CLYBL: variants seen among roughly 807,000 people sequenced by gnomAD.
CLYBL encodes citramalyl-CoA lyase, also known as citramalyl-CoA lyase, mitochondrial.
In CLYBL, 31 loss-of-function variants were observed where a neutral mutation model predicts 38.9. The observed-to-expected ratio is 0.80, with a 90% CI of 0.60 to 1.08. CLYBL has a LOEUF of 1.08. Ranked by LOEUF, CLYBL falls within the 50% of genes least tolerant of loss-of-function variation. The probability of loss-of-function intolerance (pLI) is 0.00; values close to 1 mark genes in which losing one functional copy is unlikely to be tolerated. For missense variants in CLYBL, 434 were observed against 411.6 expected (o/e 1.05, Z -0.47); for synonymous variants, 171 against 158.6 (o/e 1.08, Z -0.59).
At chr13:99,781,122 C>T (rs1244626721) in intron 2 of CLYBL, among the ~76,000 whole-genome samples, 1 of 149,980 alleles carries the variant, frequency 6.7e-6, no homozygotes, top group Non-Finnish European at 1.5e-5. Context: ...TCTTTCTTTC[C>T]TTTTAAAATA....
At chr13:99,871,758 T>C (rs141047796) in intron 7 of CLYBL, among the ~76,000 whole-genome samples, 1 of 152,298 alleles carries the variant, frequency 6.6e-6, no homozygotes, top group East Asian at 1.9e-4. Context: ...TTTATGCTAG[T>C]TGCAGCATTG....
At chr13:99,759,577 C>A (rs913492324) in intron 1 of CLYBL, among the ~76,000 whole-genome samples, 1 of 152,036 alleles carries the variant, frequency 6.6e-6, no homozygotes, top group African/African-American at 2.4e-5. Flanking sequence ...TGAGACCACC[C>A]CCACCCCCTC....
chr13:99,876,580 A>G (rs977319803), intron 7 of CLYBL, among the ~76,000 whole-genome samples: 4 of 151,994 alleles, frequency 2.6e-5, no homozygotes, highest in East Asian at 1.9e-4. Context: ...TATTTGCTCA[A>G]TTTTGATTTT....
intron 2 of CLYBL, among the ~76,000 whole-genome samples, chr13:99,854,793 G>A (rs536704774): frequency 4.6e-5 from 7 of 152,240 alleles, no homozygotes; most frequent in East Asian, 3.9e-4. Context: ...TCACCAGAGC[G>A]TGTCTCTTCC....
chr13:99,823,141 A>C (rs943405522), intron 2 of CLYBL, among the ~76,000 whole-genome samples: 1 of 152,176 alleles, frequency 6.6e-6, no homozygotes, highest in African/African-American at 2.4e-5. Context: ...GAATTTATTT[A>C]TTTCTTTAAA....
intron 1 of CLYBL, among the ~76,000 whole-genome samples, chr13:99,682,183 G>A (rs1254497704): frequency 4.0e-5 from 6 of 150,622 alleles, no homozygotes; most frequent in East Asian, 3.9e-4. Flanking sequence ...TCGCTCTGTC[G>A]CCCAGGCTGG....
chr13:99,709,191 A>T (rs899454523), intron 1 of CLYBL, among the ~76,000 whole-genome samples: 18 of 152,292 alleles, frequency 1.2e-4, no homozygotes, highest in African/African-American at 3.6e-4. Context: ...AGAGATAGAC[A>T]TGCATAGAGG....
intron 2 of CLYBL, among the ~76,000 whole-genome samples, chr13:99,808,269 A>G (rs781651553): frequency 5.3e-5 from 8 of 152,068 alleles, no homozygotes; most frequent in Non-Finnish European, 7.4e-5. Flanking sequence ...GCATTTTTGT[A>G]GAGATGGAGT....
intron 1 of CLYBL, among the ~76,000 whole-genome samples, chr13:99,691,759 C>T (rs761317430): frequency 3.3e-5 from 5 of 152,204 alleles, no homozygotes; most frequent in Admixed American, 2.0e-4. Flanking sequence ...AGTCACCTGG[C>T]AAGTCCCTTC....
rs34783138 is a variant in CLYBL, at chr13:99,662,580, C to CTT, written c.62+55831_62+55832dup. Among the ~76,000 whole-genome samples, 3 of 145,736 alleles carry CTT rather than the reference C, an allele frequency of 2.1e-5. No individual in the cohort carries two copies. In the Admixed American group the frequency reaches 2.1e-4, roughly 10 times the overall value. ...AGAAACAAATATTTTTAGAGGAACC[C>CTT]TTTTTTTTTATTAGTATTACTAGTA... On this transcript the variant is annotated intron_variant, in intron 1 of 8. Transcript: ENST00000339105.
intron 1 of CLYBL, among the ~76,000 whole-genome samples, chr13:99,674,957 C>T (rs564131171): frequency 6.6e-6 from 1 of 152,192 alleles, no homozygotes; most frequent in East Asian, 1.9e-4. Context: ...TGGCATGAGC[C>T]CAGGAGTTCG....
At chr13:99,715,332 A>T (rs1288918059) in intron 1 of CLYBL, among the ~76,000 whole-genome samples, 1 of 151,580 alleles carries the variant, frequency 6.6e-6, no homozygotes, top group Non-Finnish European at 1.5e-5. Flanking sequence ...TTCTCCAGGG[A>T]TTTACTTCCT....
chr13:99,892,618 ACT>A (rs1318525020), downstream of CLYBL: 2 of 152,068 alleles, frequency 1.3e-5, no homozygotes, highest in African/African-American at 4.8e-5. Context: ...GAAGTTTTAA[ACT>A]CTACACCAAC....
In CLYBL at chr13:99,692,539, G is replaced by A. The variant is rs577749102; in HGVS notation, c.63-80285G>A. On this transcript the variant is annotated intron_variant, in intron 1 of 8. Transcript: ENST00000339105. The stretch of plus-strand genomic sequence containing the variant: ...GATCTCCTGACCTTATGATCCACCC[G>A]CCTCACCCTCCCAAAGTGCTGGGAT... Among the ~76,000 whole-genome samples, 436 of 151,972 alleles carry A rather than the reference G, an allele frequency of 2.9e-3. 2 individuals carry two copies. The highest frequency in any genetic ancestry group is 9.8e-3 in the African/African-American group (405 of 41,448).
At chr13:99,713,560 G>C (rs1005599066) in intron 1 of CLYBL, among the ~76,000 whole-genome samples, 2 of 151,896 alleles carry the variant, frequency 1.3e-5, no homozygotes, top group Admixed American at 1.3e-4. Context: ...GGCTGATCTT[G>C]AACTCCTGGC....
rs56097059 is a variant in CLYBL, at chr13:99,612,386, C to CTTTTTTTTTTT, written c.62+5638_62+5648dup. Among the ~76,000 whole-genome samples the CTTTTTTTTTTT allele has an allele frequency of 1.2e-4, 14 of 112,366 alleles. 2 individuals carry two copies. Among genetic ancestry groups the CTTTTTTTTTTT allele is most frequent in the East Asian group, 5.5e-4 (2 of 3,618 alleles). The allele number at this position is 112,366 out of a possible 152,430, so 73.7% of individuals were successfully genotyped here. ...AGATAATTAATTTTAGACCTTTCTA[C>CTTTTTTTTTTT]TTTTTTTTTTTTTTTTTTTGAGACA... On this transcript the variant is annotated intron_variant, in intron 1 of 8. Coordinates refer to ENST00000339105, the MANE Select transcript of CLYBL (RefSeq NM_206808.5).
intron 1 of CLYBL, among the ~76,000 whole-genome samples, chr13:99,668,347 G>T (rs955505536): frequency 1.3e-5 from 2 of 151,992 alleles, no homozygotes; most frequent in African/African-American, 4.8e-5. Context: ...AGCACTGGGA[G>T]GCCAAGGCAG....
At chr13:99,855,377 T>A (rs148916468) in intron 2 of CLYBL, among the ~76,000 whole-genome samples, 2 of 152,254 alleles carry the variant, frequency 1.3e-5, no homozygotes, top group East Asian at 3.9e-4. Context: ...CTCCCAATAG[T>A]CGTAGCAGGT....
chr13:99,865,183 C>T lies in CLYBL; in HGVS notation c.634+272C>T. On this transcript the variant is annotated intron_variant, in intron 5 of 8. Transcript: ENST00000339105. This position sits in a 1 kb window ranked among gnomAD's most constrained non-coding sequence, Gnocchi z 4.7. ...AGCCTGTTGCAGCCCCAGGCATGCTCAGGAATATATGGCATCTCCTTTGCT... is the reference window on the plus strand; with the variant it reads ...AGCCTGTTGCAGCCCCAGGCATGCTTAGGAATATATGGCATCTCCTTTGCT... The T allele has an allele frequency of 2.3e-6, 1 of 431,296 alleles. No homozygotes were observed. The highest frequency in any genetic ancestry group is 4.4e-6 in the Non-Finnish European group (1 of 226,708). The allele number at this position is 431,296 out of a possible 1,614,324, so 26.7% of individuals were successfully genotyped here.
Sources: gnomAD v4.1 joint callset for allele counts (sites outside exome capture counted in the v4.1 genomes callset) on GRCh38, gnomAD v4.1.1 for gene constraint, Gnocchi (gnomAD v3.1) non-coding constraint, MANE v1.5 for transcripts, NCBI Gene and HGNC (gene_info 2026-07-23, HGNC 2026-07-21) for gene names.